Variants in SCRIB observed in about 807,000 individuals in gnomAD.
The protein encoded by SCRIB is protein scribble homolog.
A neutral mutation model predicts 170.0 loss-of-function variants in SCRIB; 72 were observed. That is an observed-to-expected ratio of 0.42 (90% confidence interval 0.35 to 0.52). The LOEUF (loss-of-function observed/expected upper bound fraction) is 0.52, where lower values mean the gene tolerates loss of function less well. SCRIB is among the 20% of genes least tolerant of loss of function. The probability of loss-of-function intolerance (pLI) is 0.02; values close to 1 mark genes in which losing one functional copy is unlikely to be tolerated. For synonymous variants in SCRIB, 1,298 were observed against 1,044.3 expected (o/e 1.24, Z -4.68); for missense variants, 2,475 against 2,338.5 (o/e 1.06, Z -1.20).
chr8:143,810,487 C>T lies in SCRIB; in HGVS notation c.1522G>A (p.Ala508Thr), dbSNP rs758426749. The T allele has an allele frequency of 2.5e-6, 4 of 1,608,488 alleles. No individual in the cohort carries two copies. The highest frequency in any genetic ancestry group is 4.5e-5 in the East Asian group (2 of 44,880). Reference protein sequence around the residue: ...CQPDSGSPLPAEEEKRLSAES... With the variant: ...CQPDSGSPLPTEEEKRLSAES... The stretch of plus-strand genomic sequence containing the variant: ...CGTGGCTCCATGCCCACCTCCTCTG[C>T]AGGCAAGGGCGACCCAGAGTCTGGC... Residue 508 changes from alanine (A) to threonine (T), a missense_variant, in exon 13 of 37, where the codon GCA becomes ACA. Ala to Thr is a moderately conservative substitution (Grantham distance 58). Transcript: ENST00000356994.
intron 24 of SCRIB, among the ~76,000 whole-genome samples, chr8:143,797,855 G>A (rs559671004): frequency 8.5e-5 from 13 of 152,378 alleles, no homozygotes; most frequent in South Asian, 2.1e-4. Context: ...GACGGAGCAC[G>A]TCCCCGGCGC....
intron 17 of SCRIB, 85 bp downstream of exon 17, chr8:143,806,839 A>T: frequency 1.0e-6 from 1 of 983,480 alleles, no homozygotes; most frequent in Non-Finnish European, 1.5e-6. Context: ...GAGTGTTCTC[A>T]GGGCAAGGGG....
chr8:143,803,402 C>A lies in SCRIB; in HGVS notation c.3584G>T (p.Ser1195Ile). The stretch of plus-strand genomic sequence containing the variant: ...GCTAACCTCCAGGGCTGCGTCGGTG[C>A]TGGCCTCAAAGCCGTCACAGACCAG... ...TVLVCDGFEA[S>I]TDAALEVSPG... The change falls in exon 24 of 37, where the codon AGC (serine) becomes ATC (isoleucine). Residue 1195 changes from serine (S) to isoleucine (I), a missense_variant. Physicochemically the swap from Ser to Ile is moderately radical, Grantham distance 142. This residue lies in a region of SCRIB where 1,966 missense variants were observed against 1,742.9 expected (regional missense o/e 1.13). Coordinates refer to ENST00000356994, the MANE Select transcript of SCRIB (RefSeq NM_182706.5). 6.3e-7 allele frequency: 1 copy of A among 1,585,382 alleles called. No individual in the cohort carries two copies.
In SCRIB at chr8:143,792,613, T is replaced by C. The variant is rs1469927808; in HGVS notation, c.4200A>G (p.Arg1400=). 4.4e-6 allele frequency: 7 copies of C among 1,593,592 alleles called. No individual in the cohort carries two copies. Among genetic ancestry groups the C allele is most frequent in the Non-Finnish European group, 5.9e-6 (7 of 1,177,312 alleles). ...EEEARKLQQK[R]AQMLREAAEA... The stretch of plus-strand genomic sequence containing the variant: ...CTGCCGCCTCCCGCAGCATCTGCGC[T>C]CTCTTCTGCTGTAGTTTTCTGGCTG... The change falls in exon 31 of 37, where the codon AGA becomes AGG. Residue 1400 remains arginine, a synonymous_variant. Coordinates refer to ENST00000356994, the MANE Select transcript of SCRIB (RefSeq NM_182706.5).
At chr8:143,805,963 G>T (rs966451187) in intron 18 of SCRIB, among the ~76,000 whole-genome samples, 1 of 152,104 alleles carries the variant, frequency 6.6e-6, no homozygotes, top group Admixed American at 6.5e-5. Flanking sequence ...CAGAGCCCCC[G>T]GATGCCCGTG....
chr8:143,811,156 C>A lies in SCRIB; in HGVS notation c.1096G>T (p.Ala366Ser). ...HTTELHVLDVAGNRLQSLPFA... is the reference protein window; with the variant it reads ...HTTELHVLDVSGNRLQSLPFA... ...AAGGCTGGCACTCACCGGTTCCCCG[C>A]CACGTCCAGCACGTGCAGCTCTGTC... Residue 366 changes from alanine to serine, a missense_variant, in exon 10 of 37, where the codon GCG becomes TCG. Around this residue, in one of 3 missense-constraint regions of SCRIB, gnomAD observed 487 missense variants for 558.1 expected, o/e 0.87. Coordinates refer to ENST00000356994, the MANE Select transcript of SCRIB (RefSeq NM_182706.5). The A allele has an allele frequency of 6.2e-7, 1 of 1,605,056 alleles. No individual in the cohort carries two copies. The highest frequency in any genetic ancestry group is 8.5e-7 in the Non-Finnish European group (1 of 1,176,232).
chr8:143,805,567 G>A, intron 18 of SCRIB, 132 bp from the exon 19 acceptor site: 1 of 898,482 alleles, frequency 1.1e-6, no homozygotes. Flanking sequence ...CCCAGGCGCT[G>A]ACATCACCCG....
At chr8:143,792,682 C>T in intron 30 of SCRIB, 26 bp downstream of exon 30, 3 of 1,588,910 alleles carry the variant, frequency 1.9e-6, no homozygotes, top group Non-Finnish European at 2.6e-6. Context: ...GAGACCCAAC[C>T]CCCACCCCAC....
chr8:143,803,527 C>G lies in SCRIB; in HGVS notation c.3459G>C (p.Val1153=). The change falls in exon 24 of 37, where the codon GTG becomes GTC. Residue 1153 remains valine, a synonymous_variant. Transcript: ENST00000356994. ...GGTTCACCTCCAACAGCCGCAAACC[C>G]ACACGCAGCCGACCGTCGCGCCCGG... ...GAAGRDGRLR[V]GLRLLEVNQQ... The G allele has an allele frequency of 6.2e-7, 1 of 1,604,536 alleles. No homozygotes were observed. Among genetic ancestry groups the G allele is most frequent in the South Asian group, 1.1e-5 (1 of 90,952 alleles).
At chr8:143,799,055 CAGAA>C (rs1450512734) in intron 24 of SCRIB, among the ~76,000 whole-genome samples, 12 of 152,178 alleles carry the variant, frequency 7.9e-5, no homozygotes, top group Admixed American at 2.6e-4. Flanking sequence ...ACCCTAAAAA[CAGAA>C]AGACACCTCA....
Position 143,809,020 on chromosome 8 carries a change from C to T in SCRIB, c.1704G>A (p.Thr568=), listed in dbSNP as rs202135982. ...GCAGTGCGTCCTCTGCGAAATGCACCGTGGGCTGTGCGGACAAAAGGGTGA... is the reference window on the plus strand; with the variant it reads ...GCAGTGCGTCCTCTGCGAAATGCACTGTGGGCTGTGCGGACAAAAGGGTGA... ...EDAEEDYQEP[T]VHFAEDALLP... is the part of the protein sequence containing the mutation. The change falls in exon 15 of 37, where the codon ACG becomes ACA. Residue 568 remains threonine (T), a synonymous_variant. Transcript: ENST00000356994. 81 of 1,610,208 alleles carry T rather than the reference C, an allele frequency of 5.0e-5. No individual in the cohort carries two copies. The East Asian group carries it at 1.4e-3, about 27-fold the overall frequency.
rs376032481 is a variant in SCRIB, at chr8:143,813,726, C to T, written c.357G>A (p.Arg119=). 1.2e-5 allele frequency: 20 copies of T among 1,613,312 alleles called. No homozygotes were observed. Among genetic ancestry groups the T allele is most frequent in the Non-Finnish European group, 1.5e-5 (18 of 1,179,982 alleles). Residue 119 remains arginine, a splice_region_variant and synonymous_variant, in exon 4 of 37, where the codon AGG becomes AGA. Transcript: ENST00000356994. The stretch of plus-strand genomic sequence containing the variant: ...GCAGCTGAGTGAAGCCATCAGGGAG[C>T]CTGGATGGGAGGAAGCAGAGGCCCT... ...IADFSGNPLS[R]LPDGFTQLRS... is the part of the protein sequence containing the mutation.
At chr8:143,792,431 G>T (rs782467394) in intron 31 of SCRIB, 26 bp from the exon 32 acceptor site, 2 of 1,506,720 alleles carry the variant, frequency 1.3e-6, no homozygotes, top group Non-Finnish European at 1.8e-6. Flanking sequence ...GACGTGCTGT[G>T]GGGGGCAGGG....
rs748485052 is a variant in SCRIB at position 143,815,374 on chromosome 8, G to A, written c.-2C>T. 50 of 1,374,714 alleles carry A rather than the reference G, an allele frequency of 3.6e-5. No individual in the cohort carries two copies. The highest frequency in any genetic ancestry group is 4.6e-5 in the Non-Finnish European group (49 of 1,054,820). 85.2% of individuals were successfully genotyped at this position (1,374,714 alleles called of 1,614,324 possible). Reference sequence around the variant, plus strand: ...CCACAGCGGGATGCACTTGAGCATGGTGCGGGTGGGCGGCGCGGGCTCCGG... The same window carrying A: ...CCACAGCGGGATGCACTTGAGCATGATGCGGGTGGGCGGCGCGGGCTCCGG... On this transcript the variant is annotated 5_prime_UTR_variant, in exon 1 of 37. Transcript: ENST00000356994.
chr8:143,811,650 G>T (rs1162076379), intron 9 of SCRIB, among the ~76,000 whole-genome samples: 2 of 152,118 alleles, frequency 1.3e-5, no homozygotes, highest in Non-Finnish European at 2.9e-5. Context: ...CGCCCTGTGA[G>T]CCTGTCTGGT....
In SCRIB at chr8:143,795,325, C is replaced by A; in HGVS notation, c.3723G>T (p.Glu1241Asp). The A allele has an allele frequency of 6.2e-7, 1 of 1,612,844 alleles. No homozygotes were observed. The highest frequency in any genetic ancestry group is 8.5e-7 in the Non-Finnish European group (1 of 1,179,888). Residue 1241 changes from glutamate to aspartate, a missense_variant, in exon 26 of 37, where the codon GAG becomes GAT. By Grantham distance (45) the Glu-to-Asp change is conservative. Coordinates refer to ENST00000356994, the MANE Select transcript of SCRIB (RefSeq NM_182706.5). ...LSPEGPGKEK[E>D]LPGQTLHWGP... ...CCCAGTGCAGGGTCTGTCCAGGCAGCTCCTTCTCCTGTGAGCAGAGCAGAG... is the reference window on the plus strand; with the variant it reads ...CCCAGTGCAGGGTCTGTCCAGGCAGATCCTTCTCCTGTGAGCAGAGCAGAG...
intron 18 of SCRIB, among the ~76,000 whole-genome samples, chr8:143,805,740 C>T (rs1400051784): frequency 1.3e-5 from 2 of 152,202 alleles, no homozygotes; most frequent in South Asian, 2.1e-4. Flanking sequence ...TGGATACCTC[C>T]GGCCCATCTG....
rs115090147 is a variant in SCRIB, at chr8:143,806,768, T to C, written c.2268+156A>G. Among the ~76,000 whole-genome samples, 391 of 152,282 alleles carry C rather than the reference T, an allele frequency of 2.6e-3. 1 individual carries two copies. The highest frequency in any genetic ancestry group is 8.3e-3 in the African/African-American group (344 of 41,550). On this transcript the variant is annotated intron_variant, in intron 17 of 36. Transcript: ENST00000356994. ...GACCCAGGCACCCTCAGGTTGCTCT[T>C]GGACTTCGGGATCCCACAACAGTAG...
At chr8:143,806,607 G>A (rs1815436914) in intron 17 of SCRIB, 123 bp from the exon 18 acceptor site, 1 of 783,894 alleles carries the variant, frequency 1.3e-6, no homozygotes, top group African/African-American at 1.7e-5. Flanking sequence ...CCAGCAGGAG[G>A]ACTGAGCTCT....
Sources: allele counts gnomAD v4.1 joint callset (sites outside exome capture counted in the v4.1 genomes callset), GRCh38; gene constraint gnomAD v4.1.1; regional missense constraint gnomAD v4.1.1; transcripts MANE v1.5; gene names NCBI Gene and HGNC (gene_info 2026-07-23, HGNC 2026-07-21).